CCNY: variants seen among roughly 807,000 people sequenced by gnomAD.
CCNY encodes the protein cyclin Y, also known as cyclin-Y.
A neutral mutation model predicts 42.8 loss-of-function variants in CCNY; 19 were observed. That is an observed-to-expected ratio of 0.44 (90% CI 0.31 to 0.65). The LOEUF (loss-of-function observed/expected upper bound fraction) is 0.65. Among genes scored for constraint, CCNY ranks in the 30% least tolerant of loss-of-function variants. The probability of loss-of-function intolerance (pLI) is 0.07; values close to 1 mark genes in which losing one functional copy is unlikely to be tolerated. For missense variants in CCNY, 370 were observed against 437.3 expected, an observed-to-expected ratio of 0.85 and a Z score of 1.37; for synonymous variants, 165 against 162.7, an observed-to-expected ratio of 1.01 and a Z score of -0.11.
chr10:35,312,762 T>C (rs1835703635), intron 3 of CCNY, among the ~76,000 whole-genome samples: 1 of 149,860 alleles, frequency 6.7e-6, no homozygotes, highest in African/African-American at 2.5e-5. Context: ...TTTTTTTTTT[T>C]TTTTTTAGAG....
chr10:35,480,165 C>T (rs1037954035), intron 1 of CCNY, among the ~76,000 whole-genome samples: 1 of 152,142 alleles, frequency 6.6e-6, no homozygotes, highest in Non-Finnish European at 1.5e-5. Context: ...TGTCACCGCA[C>T]TGGGGAGAGA....
At chr10:35,449,812 G>A in intron 1 of CCNY, 1 of 985,174 alleles carries the variant, frequency 1.0e-6, no homozygotes, top group Non-Finnish European at 1.2e-6. Flanking sequence ...TGAACGGACA[G>A]TAAGTTGAGA....
At chr10:35,381,142 A>C (rs556346187) in intron 1 of CCNY, among the ~76,000 whole-genome samples, 58 of 152,350 alleles carry the variant, frequency 3.8e-4, no homozygotes, top group African/African-American at 1.4e-3. Context: ...CTGCAGTTCT[A>C]AACAATGTCG....
chr10:35,309,179 A>G (rs1185953868), intron 3 of CCNY, among the ~76,000 whole-genome samples: 2 of 152,146 alleles, frequency 1.3e-5, no homozygotes, highest in Non-Finnish European at 2.9e-5. Flanking sequence ...AAAGTAAGGA[A>G]AAGTGGCCAC....
chr10:35,315,631 T>C (rs1227387530), intron 3 of CCNY, among the ~76,000 whole-genome samples: 2 of 152,222 alleles, frequency 1.3e-5, no homozygotes, highest in African/African-American at 4.8e-5. Flanking sequence ...ATATACCCAG[T>C]AATGGGATTG....
At position 35,426,111 on chromosome 10, in the gene CCNY, GCACA is replaced by G. The variant is rs1055933724; in HGVS notation, c.155-57248_155-57245del. ...TTCTCCCTTCACTGGTCCAGCACGC[GCACA>G]CACACACACACACACACACACACAC... On this transcript the variant is annotated intron_variant, in intron 1 of 9. Transcript: ENST00000374704. Among the ~76,000 whole-genome samples the G allele has an allele frequency of 3.0e-3, 241 of 80,488 alleles. 1 individual carries two copies. The highest frequency in any genetic ancestry group is 0.012 in the Middle Eastern group (2 of 162). The allele number at this position is 80,488 out of a possible 152,430, so 52.8% of individuals were successfully genotyped here. A position where few individuals can be genotyped will look rare whatever the true frequency, so the allele number is the denominator to read the frequency against.
intron 3 of CCNY, among the ~76,000 whole-genome samples, chr10:35,276,775 T>C (rs1359258457): frequency 6.6e-6 from 1 of 152,180 alleles, no homozygotes; most frequent in Non-Finnish European, 1.5e-5. Context: ...TTGGGGCCCC[T>C]CTCACTAGTC....
intron 3 of CCNY, among the ~76,000 whole-genome samples, chr10:35,269,911 G>C (rs1444630220): frequency 6.6e-6 from 1 of 152,032 alleles, no homozygotes. Flanking sequence ...TACGTGCCCG[G>C]CCAAGTTCAT....
chr10:35,554,505 G>C (rs1841324092), intron 8 of CCNY, among the ~76,000 whole-genome samples: 1 of 152,148 alleles, frequency 6.6e-6, no homozygotes, highest in African/African-American at 2.4e-5. Flanking sequence ...ATATCATAAA[G>C]GAGGTGGACA....
intron 2 of CCNY, among the ~76,000 whole-genome samples, chr10:35,501,080 A>G (rs1033997914): frequency 5.9e-5 from 9 of 152,270 alleles, no homozygotes; most frequent in African/African-American, 2.2e-4. Context: ...CTTTCTAGAT[A>G]TTATTGTTAT....
Position 35,337,204 on chromosome 10 carries a change from G to GA in CCNY, c.152dup (p.Asp51GlufsTer22). 6.5e-7 allele frequency: 1 copy of GA among 1,544,840 alleles called. No individual in the cohort carries two copies. The highest frequency in any genetic ancestry group is 8.7e-7 in the Non-Finnish European group (1 of 1,145,424). On this transcript the variant is annotated frameshift_variant, in exon 1 of 10. Coordinates refer to ENST00000374704, the MANE Select transcript of CCNY (RefSeq NM_145012.6). LOFTEE classifies it high-confidence loss of function. ...GCACATCAGCGACCGGGAGAACATA[G>GA]ACGGTGAGTGCGGCCCGCCGAGCCC... is the stretch of plus-strand genomic sequence containing the variant.
At chr10:35,440,428 G>T (rs547101228) in intron 1 of CCNY, among the ~76,000 whole-genome samples, 1 of 152,284 alleles carries the variant, frequency 6.6e-6, no homozygotes, top group East Asian at 1.9e-4. Context: ...AACCTCAGAG[G>T]CAAGCGTAGA....
intron 3 of CCNY, among the ~76,000 whole-genome samples, chr10:35,255,740 A>G (rs960125502): frequency 2.0e-5 from 3 of 151,982 alleles, no homozygotes; most frequent in Non-Finnish European, 4.4e-5. Context: ...GACCACATGC[A>G]TGTGCCACCA....
intron 3 of CCNY, among the ~76,000 whole-genome samples, chr10:35,324,165 G>A (rs780270994): frequency 2.8e-4 from 42 of 151,992 alleles, no homozygotes; most frequent in Non-Finnish European, 1.9e-4. Flanking sequence ...TTAGACAGAC[G>A]ACCCTGGCAC....
At chr10:35,315,284 C>T (rs1835742021) in intron 3 of CCNY, 1 of 152,120 alleles carries the variant, frequency 6.6e-6, no homozygotes. Flanking sequence ...CTCAAGGAGG[C>T]TTCAGTGTCT....
intron 8 of CCNY, among the ~76,000 whole-genome samples, chr10:35,556,121 G>A (rs1011073851): frequency 2.0e-5 from 3 of 152,142 alleles, no homozygotes; most frequent in African/African-American, 7.2e-5. Context: ...TGCCATCTGA[G>A]CCACTGGCTG....
At chr10:35,248,306 C>G (rs2095709615) in intron 2 of CCNY, 1 of 152,296 alleles carries the variant, frequency 6.6e-6, no homozygotes. Flanking sequence ...TTTTAACAGG[C>G]AGTAGGTTGT....
intron 1 of CCNY, among the ~76,000 whole-genome samples, chr10:35,464,467 A>G (rs1024958125): frequency 1.3e-4 from 19 of 150,932 alleles, no homozygotes; most frequent in Non-Finnish European, 2.2e-4. Flanking sequence ...TCCTTCAGTA[A>G]CTCCCTGGTT....
chr10:35,305,691 GA>G (rs1173696755), intron 3 of CCNY, among the ~76,000 whole-genome samples: 1 of 152,184 alleles, frequency 6.6e-6, no homozygotes, highest in African/African-American at 2.4e-5. Flanking sequence ...TCTTGTTTCT[GA>G]GTATTGATGA....
Sources: allele counts gnomAD v4.1 joint callset (sites outside exome capture counted in the v4.1 genomes callset), GRCh38; gene constraint gnomAD v4.1.1; transcripts MANE v1.5; gene names NCBI Gene and HGNC (gene_info 2026-07-23, HGNC 2026-07-21).